The following CKMT2 variants were observed in gnomAD, a reference collection of about 807,000 sequenced individuals.
The protein encoded by CKMT2 is creatine kinase S-type, mitochondrial.
CKMT2 carries 43 observed loss-of-function variants against 48.9 expected under a neutral mutation model. The observed-to-expected ratio is 0.88, with a 90% CI of 0.69 to 1.13. CKMT2 has a LOEUF of 1.13. CKMT2 is among the 50% of genes most tolerant of loss of function. The probability of loss-of-function intolerance (pLI) is 0.00; values close to 1 mark genes in which losing one functional copy is unlikely to be tolerated. For missense variants in CKMT2, 472 were observed against 555.4 expected (o/e 0.85, Z 1.51); for synonymous variants, 206 against 213.0 (o/e 0.97, Z 0.29).
At position 81,255,023 on chromosome 5, in the gene CKMT2, G is replaced by T; in HGVS notation, c.478G>T (p.Val160Leu). 6.2e-7 allele frequency: 1 copy of T among 1,614,024 alleles called. No homozygotes were observed. Among genetic ancestry groups the T allele is most frequent in the Non-Finnish European group, 8.5e-7 (1 of 1,180,004 alleles). ...ITQGQFDEHY[V>L]LSSRVRTGRS... Reference sequence around the variant, plus strand: ...CCAAGGGCAGTTCGACGAGCATTACGTGCTGTCTTCTCGGGTGCGCACTGG... The same window carrying T: ...CCAAGGGCAGTTCGACGAGCATTACTTGCTGTCTTCTCGGGTGCGCACTGG... Residue 160 changes from valine (V) to leucine (L), a missense_variant, in exon 5 of 10, where the codon GTG becomes TTG. By Grantham distance (32) the Val-to-Leu change is conservative. Coordinates refer to ENST00000254035, the MANE Select transcript of CKMT2 (RefSeq NM_001099735.2).
chr5:81,252,403 A>G (rs1375874900), intron 2 of CKMT2: 2 of 431,322 alleles, frequency 4.6e-6, no homozygotes, highest in Non-Finnish European at 8.6e-6. Context: ...TACACACTCC[A>G]GGGTAAGACA....
chr5:81,243,908 G>A (rs962977191), intron 1 of CKMT2: 5 of 337,718 alleles, frequency 1.5e-5, no homozygotes, highest in Admixed American at 1.3e-4. Flanking sequence ...GGCTAGGCTG[G>A]TCTCTAACTC....
chr5:81,248,555 A>T (rs917641982), intron 1 of CKMT2, among the ~76,000 whole-genome samples: 2 of 152,192 alleles, frequency 1.3e-5, no homozygotes, highest in African/African-American at 2.4e-5. Flanking sequence ...TGACATGATG[A>T]CCTGAAATCT....
intron 1 of CKMT2, chr5:81,244,212 T>C: frequency 1.0e-6 from 1 of 984,564 alleles, no homozygotes; most frequent in Non-Finnish European, 1.2e-6. Context: ...TGAGGTAAAG[T>C]TCCTTACTGT....
rs182101350 is a variant in CKMT2 at position 81,263,177 on chromosome 5, G to A, written c.1015-314G>A. Among the ~76,000 whole-genome samples the A allele has an allele frequency of 1.4e-3, 216 of 151,820 alleles. 1 individual carries two copies. Among genetic ancestry groups the A allele is most frequent in the African/African-American group, 4.7e-3 (196 of 41,378 alleles). On this transcript the variant is annotated intron_variant, in intron 8 of 9. Coordinates refer to ENST00000254035, the MANE Select transcript of CKMT2 (RefSeq NM_001099735.2). Reference sequence around the variant, plus strand: ...ACATCACACACTGGGGCCAGTTGGGGGGTGGGGGTTTGGGGAGGGATAGCA... The same window carrying A: ...ACATCACACACTGGGGCCAGTTGGGAGGTGGGGGTTTGGGGAGGGATAGCA...
chr5:81,257,806 G>A lies in CKMT2; in HGVS notation c.829G>A (p.Gly277Arg). The change falls in exon 7 of 10, where the codon GGA becomes AGA. Residue 277 changes from glycine to arginine, a missense_variant. Coordinates refer to ENST00000254035, the MANE Select transcript of CKMT2 (RefSeq NM_001099735.2). ...DHTRVISMEK[G>R]GNMKRVFERF... is the part of the protein sequence containing the mutation. ...CACCAGGGTAATCTCAATGGAAAAA[G>A]GAGGCAATATGAAACGAGTATTTGA... 1 of 1,613,752 alleles carries A rather than the reference G, an allele frequency of 6.2e-7. No homozygotes were observed. Among genetic ancestry groups the A allele is most frequent in the Non-Finnish European group, 8.5e-7 (1 of 1,179,698 alleles).
intron 1 of CKMT2, chr5:81,236,095 C>T (rs1756235008): frequency 1.3e-5 from 2 of 152,300 alleles, no homozygotes; most frequent in Non-Finnish European, 2.9e-5. Flanking sequence ...AGAGATATCC[C>T]TGGCGTCTGG....
intron 6 of CKMT2, 141 bp downstream of exon 6, chr5:81,257,141 AGTGTGTGTGT>A (rs3830407): frequency 0.075 from 37,158 of 498,406 alleles, 943 homozygotes; most frequent in East Asian, 0.16. Flanking sequence ...CTACTTGGAA[AGTGTGTGTGT>A]GTGTGTGTGT....
chr5:81,265,207 C>T (rs1002220483), intron 9 of CKMT2, among the ~76,000 whole-genome samples: 1 of 152,108 alleles, frequency 6.6e-6, no homozygotes, highest in Non-Finnish European at 1.5e-5. Context: ...AGTGAGAGAC[C>T]TATCTCACCA....
intron 8 of CKMT2, among the ~76,000 whole-genome samples, chr5:81,261,569 C>A (rs949487789): frequency 6.6e-6 from 1 of 152,054 alleles, no homozygotes; most frequent in Non-Finnish European, 1.5e-5. Flanking sequence ...CAAACAGAGC[C>A]AAATCATGAA....
chr5:81,235,930 A>G (rs1209136857), intron 1 of CKMT2: 1 of 152,234 alleles, frequency 6.6e-6, no homozygotes, highest in Non-Finnish European at 1.5e-5. Context: ...GTGTTTTTCA[A>G]TTCAGGAGTC....
chr5:81,246,166 T>C (rs1756603773), intron 1 of CKMT2, among the ~76,000 whole-genome samples: 1 of 151,354 alleles, frequency 6.6e-6, no homozygotes, highest in Non-Finnish European at 1.5e-5. Context: ...CTGTAACTCA[T>C]AAAATGAGCT....
At chr5:81,259,519 T>A (rs1274049017) in intron 8 of CKMT2, 1 of 288,200 alleles carries the variant, frequency 3.5e-6, no homozygotes, top group Non-Finnish European at 6.4e-6. Context: ...AGGTAGGCTC[T>A]GCTCTCTCTG....
intron 1 of CKMT2, among the ~76,000 whole-genome samples, chr5:81,236,947 C>G (rs1005265742): frequency 1.3e-5 from 2 of 151,946 alleles, no homozygotes; most frequent in Non-Finnish European, 2.9e-5. Flanking sequence ...GTCAGGAGTT[C>G]GAGACCAGCC....
chr5:81,244,524 C>T (rs924852331), intron 1 of CKMT2, among the ~76,000 whole-genome samples: 1 of 152,196 alleles, frequency 6.6e-6, no homozygotes, highest in Non-Finnish European at 1.5e-5. Flanking sequence ...GCTACAGTTA[C>T]ACGAAATGAG....
chr5:81,251,089 T>TA, intron 1 of CKMT2, 24 bp from the exon 2 acceptor site: 1 of 1,604,368 alleles, frequency 6.2e-7, no homozygotes, highest in Non-Finnish European at 8.5e-7. Context: ...TGAAGCTATC[T>TA]AATCCAGCTT....
chr5:81,235,543 G>C (rs964493058), intron 1 of CKMT2, among the ~76,000 whole-genome samples: 15 of 152,204 alleles, frequency 9.9e-5, no homozygotes, highest in African/African-American at 3.6e-4. Flanking sequence ...AAATAAATCT[G>C]AGTCAGCAGA....
chr5:81,261,268 G>T (rs1192753129), intron 8 of CKMT2, among the ~76,000 whole-genome samples: 3 of 151,990 alleles, frequency 2.0e-5, no homozygotes, highest in African/African-American at 7.2e-5. Flanking sequence ...GGCAAAAGCT[G>T]GAAGCATTCC....
rs774433614 is a variant in CKMT2 at position 81,255,170 on chromosome 5, A to T, written c.625A>T (p.Lys209Ter). 3 of 1,613,952 alleles carry T rather than the reference A, an allele frequency of 1.9e-6. No individual in the cohort carries two copies. The African/African-American group carries it at 4.0e-5, about 22-fold the overall frequency. Residue 209 changes from lysine (K) to a stop codon, truncating the protein, a stop_gained, in exon 5 of 10, where the codon AAG becomes TAG. Coordinates refer to ENST00000254035, the MANE Select transcript of CKMT2 (RefSeq NM_001099735.2). LOFTEE classifies it high-confidence loss of function. ...LKGDLAGRYY[K>*]LSEMTEQDQQ... ...GGGGGACCTGGCTGGCCGCTACTAC[A>T]AGCTGTCCGAGATGACGGAGCAGGA...
Sources: allele counts gnomAD v4.1 joint callset (sites outside exome capture counted in the v4.1 genomes callset), GRCh38; gene constraint gnomAD v4.1.1; transcripts MANE v1.5; gene names NCBI Gene and HGNC (gene_info 2026-07-23, HGNC 2026-07-21).